The following AIG1 variants were observed in gnomAD, a reference collection of about 807,000 sequenced individuals.
The protein encoded by AIG1 is androgen induced 1.
In AIG1, 23 loss-of-function variants were observed where a neutral mutation model predicts 31.4. The ratio of observed to expected loss-of-function variants is 0.73; its 90% confidence interval spans 0.53 to 1.04. AIG1 has a LOEUF of 1.04. Among genes scored for constraint, AIG1 ranks in the 50% least tolerant of loss-of-function variants. The pLI is 0.00. For missense variants in AIG1, 274 were observed against 295.0 expected (o/e 0.93, Z 0.52); for synonymous variants, 100 against 110.5 (o/e 0.90, Z 0.60).
intron 1 of AIG1, among the ~76,000 whole-genome samples, chr6:143,117,937 C>G (rs1781879977): frequency 6.6e-6 from 1 of 152,086 alleles, no homozygotes; most frequent in African/African-American, 2.4e-5. Context: ...AGGTTTTTTC[C>G]TATCAGGGAT....
chr6:143,254,770 C>T (rs996621066), intron 3 of AIG1, among the ~76,000 whole-genome samples: 2 of 152,118 alleles, frequency 1.3e-5, no homozygotes, highest in Admixed American at 1.3e-4. Context: ...TCCTAGCAAG[C>T]GTGGTGGCCA....
In AIG1 at chr6:143,139,996, G is replaced by A. The variant is rs113154915; in HGVS notation, c.297+3006G>A. ...TCAGACTGCTAATGAAGACATACCC[G>A]AGACTTGAGTAATTTATAAAGGAAA... On this transcript the variant is annotated intron_variant, in intron 2 of 5. Coordinates refer to ENST00000357847, the MANE Select transcript of AIG1 (RefSeq NM_016108.4). 3.1e-3 allele frequency among the ~76,000 whole-genome samples: 466 copies of A among 152,238 alleles called. 5 individuals carry two copies. Among genetic ancestry groups the A allele is most frequent in the African/African-American group, 0.011 (447 of 41,542 alleles).
chr6:143,209,937 C>G (rs539737000), intron 3 of AIG1, among the ~76,000 whole-genome samples: 1 of 152,320 alleles, frequency 6.6e-6, no homozygotes, highest in African/African-American at 2.4e-5. Context: ...CTGTATCCCA[C>G]AAGCCAGGAG....
chr6:143,315,955 CTTTTA>C (rs1189853879), intron 4 of AIG1, among the ~76,000 whole-genome samples: 2 of 151,938 alleles, frequency 1.3e-5, no homozygotes, highest in Non-Finnish European at 2.9e-5. Context: ...GAAGCCATAT[CTTTTA>C]TTTTAGGAAA....
intron 2 of AIG1, among the ~76,000 whole-genome samples, chr6:143,149,557 A>AAAAAG (rs1785015537): frequency 1.4e-5 from 2 of 146,876 alleles, no homozygotes; most frequent in Non-Finnish European, 3.0e-5. Context: ...AAAAAAAAAA[A>AAAAAG]GAAAGAAAAT....
chr6:143,246,894 G>A (rs1375568732), intron 3 of AIG1, among the ~76,000 whole-genome samples: 1 of 152,156 alleles, frequency 6.6e-6, no homozygotes, highest in Non-Finnish European at 1.5e-5. Flanking sequence ...CAGAAAAAAA[G>A]GACTCACAGA....
At chr6:143,156,273 C>T (rs949434909) in intron 2 of AIG1, among the ~76,000 whole-genome samples, 1 of 152,156 alleles carries the variant, frequency 6.6e-6, no homozygotes, top group South Asian at 2.1e-4. Flanking sequence ...TTAGTGAGTA[C>T]TTGAGTAAAC....
At chr6:143,237,602 C>T (rs556211127) in intron 3 of AIG1, among the ~76,000 whole-genome samples, 1 of 152,284 alleles carries the variant, frequency 6.6e-6, no homozygotes, top group South Asian at 2.1e-4. Flanking sequence ...TTCTCTCTCC[C>T]CTAGTTTCTT....
intron 3 of AIG1, among the ~76,000 whole-genome samples, chr6:143,211,880 G>A (rs957202330): frequency 4.0e-5 from 6 of 150,894 alleles, no homozygotes; most frequent in South Asian, 4.2e-4. Flanking sequence ...GCAACAGAGC[G>A]AGACCCTGTC....
intron 1 of AIG1, among the ~76,000 whole-genome samples, chr6:143,125,880 G>A (rs1292918053): frequency 1.3e-5 from 2 of 152,184 alleles, no homozygotes; most frequent in Non-Finnish European, 2.9e-5. Context: ...TGAATGAATT[G>A]CTTGCCACTG....
At chr6:143,099,744 A>G (rs1193413711) in intron 1 of AIG1, 2 of 152,220 alleles carry the variant, frequency 1.3e-5, no homozygotes, top group African/African-American at 4.8e-5. Context: ...GACCATTGTG[A>G]TATCATTTAC....
rs533901793 is a variant in AIG1, at chr6:143,102,010, A to G, written c.142-34825A>G. The stretch of plus-strand genomic sequence containing the variant: ...TTCCAATGTGTTAGCAAAGTTTGGG[A>G]AACAGACCTAGCCTATGCTATTCAG... On this transcript the variant is annotated intron_variant, in intron 1 of 5. Coordinates refer to ENST00000357847, the MANE Select transcript of AIG1 (RefSeq NM_016108.4). Among the ~76,000 whole-genome samples the G allele has an allele frequency of 2.6e-5, 4 of 152,282 alleles. No individual in the cohort carries two copies. In the South Asian group the frequency reaches 8.3e-4, roughly 32 times the overall value.
intron 3 of AIG1, among the ~76,000 whole-genome samples, chr6:143,216,654 G>A (rs895949410): frequency 2.0e-5 from 3 of 152,316 alleles, no homozygotes; most frequent in Non-Finnish European, 4.4e-5. Context: ...ACATAGTACA[G>A]ATCAGGAATG....
chr6:143,124,366 C>T (rs1024235642), intron 1 of AIG1, among the ~76,000 whole-genome samples: 2 of 152,194 alleles, frequency 1.3e-5, no homozygotes, highest in Non-Finnish European at 2.9e-5. Flanking sequence ...TGTGCAGTCC[C>T]TCAGTGACTT....
At chr6:143,075,452 C>A (rs1777650654) in intron 1 of AIG1, among the ~76,000 whole-genome samples, 1 of 152,068 alleles carries the variant, frequency 6.6e-6, no homozygotes, top group Non-Finnish European at 1.5e-5. Context: ...TACTGGCACA[C>A]ACCACCATGC....
intron 3 of AIG1, among the ~76,000 whole-genome samples, chr6:143,200,401 C>T (rs561934531): frequency 1.3e-5 from 2 of 152,190 alleles, no homozygotes; most frequent in African/African-American, 4.8e-5. Context: ...CAGCTGTATT[C>T]CCTGCCCACC....
intron 3 of AIG1, chr6:143,190,321 T>A (rs1465797163): frequency 1.0e-6 from 1 of 985,214 alleles, no homozygotes; most frequent in African/African-American, 1.7e-5. Context: ...CCAGGCCCAG[T>A]GAGCTTTTGA....
rs1253068287 is a variant in AIG1, at chr6:143,195,835, A to G, written c.399+30652A>G. Among the ~76,000 whole-genome samples, 3 of 152,342 alleles carry G rather than the reference A, an allele frequency of 2.0e-5. No individual in the cohort carries two copies. The East Asian group carries it at 5.8e-4, about 29-fold the overall frequency. On this transcript the variant is annotated intron_variant, in intron 3 of 5. Coordinates refer to ENST00000357847, the MANE Select transcript of AIG1 (RefSeq NM_016108.4). ...TCCCGAGTGCCAAAGTGACCACAAG[A>G]AAAGCCGCCAGAAGAAAAGAGGAGC...
chr6:143,168,543 T>C (rs935633650), intron 3 of AIG1, among the ~76,000 whole-genome samples: 3 of 151,948 alleles, frequency 2.0e-5, no homozygotes, highest in African/African-American at 7.3e-5. Context: ...TTGCTGAGAA[T>C]GATAGTTTCC....
Sources: gnomAD v4.1 joint callset for allele counts (sites outside exome capture counted in the v4.1 genomes callset) on GRCh38, gnomAD v4.1.1 for gene constraint, MANE v1.5 for transcripts, NCBI Gene and HGNC (gene_info 2026-07-23, HGNC 2026-07-21) for gene names.